KNL1: variants seen among roughly 807,000 people sequenced by gnomAD.
KNL1 encodes the protein kinetochore scaffold 1, also known as outer kinetochore KNL1 complex subunit KNL1.
In KNL1, 66 loss-of-function variants were observed where a neutral mutation model predicts 201.3. That is an observed-to-expected ratio of 0.33 (90% CI 0.27 to 0.40). The LOEUF (loss-of-function observed/expected upper bound fraction) is 0.40. KNL1 is among the 10% of genes least tolerant of loss of function. The pLI is 1.00. For synonymous variants in KNL1, 895 were observed against 899.2 expected (o/e 1.00, Z 0.08); for missense variants, 2,815 against 2,690.5 (o/e 1.05, Z -1.02).
intron 4 of KNL1, among the ~76,000 whole-genome samples, chr15:40,607,062 T>TA (rs1892000146): frequency 6.6e-6 from 1 of 152,316 alleles, no homozygotes. Context: ...ACCCAGCCCT[T>TA]AAAAAATTTT....
At chr15:40,617,358 CAA>C (rs10607154) in intron 8 of KNL1, among the ~76,000 whole-genome samples, 4,226 of 152,266 alleles carry the variant, frequency 0.028, 208 homozygotes, top group African/African-American at 0.097. Flanking sequence ...CAGTGCTATC[CAA>C]AGTGTCCAGT....
intron 14 of KNL1, among the ~76,000 whole-genome samples, chr15:40,644,649 A>G (rs1205794609): frequency 2.0e-5 from 3 of 152,374 alleles, no homozygotes; most frequent in East Asian, 1.9e-4. Context: ...GGCTTTCCGC[A>G]GTGCATTGTG....
At position 40,610,809 on chromosome 15, in the gene KNL1, A is replaced by C. The variant is rs1255319069; in HGVS notation, c.250+512A>C. 6.6e-6 allele frequency: 3 copies of C among 455,516 alleles called. No homozygotes were observed. The East Asian group carries it at 2.1e-4, about 32-fold the overall frequency. 28.2% of individuals were successfully genotyped at this position (455,516 alleles called of 1,614,324 possible). A position where few individuals can be genotyped will look rare whatever the true frequency, so the allele number is the denominator to read the frequency against. ...ACTGTTGTTCCCCAGGCTGCAGTGC[A>C]ATGGTGCCATCTCAGCTGCAACTTC... On this transcript the variant is annotated intron_variant, in intron 6 of 25. Transcript: ENST00000399668.
chr15:40,623,918 T>A lies in KNL1; in HGVS notation c.3654T>A (p.Ala1218=). ...AAATCGCTGAAAAACAAGCACTGGC[T>A]GTAGGAAACAAAATAGTTCTTCACA... ...VQEIAEKQAL[A]VGNKIVLHTE... is the part of the protein sequence containing the mutation. Residue 1218 remains alanine (A), a synonymous_variant, in exon 10 of 26, where the codon GCT becomes GCA. Transcript: ENST00000399668. 1 of 1,613,400 alleles carries A rather than the reference T, an allele frequency of 6.2e-7. No individual in the cohort carries two copies. Among genetic ancestry groups the A allele is most frequent in the Non-Finnish European group, 8.5e-7 (1 of 1,179,928 alleles).
intron 19 of KNL1, 55 bp downstream of exon 19, chr15:40,650,638 A>G (rs1893528587): frequency 6.9e-7 from 1 of 1,452,574 alleles, no homozygotes; most frequent in African/African-American, 1.5e-5. Flanking sequence ...AGAAGGCTAG[A>G]TGACTTCCTG....
At chr15:40,636,840 A>G (rs1893069036) in intron 13 of KNL1, among the ~76,000 whole-genome samples, 2 of 151,428 alleles carry the variant, frequency 1.3e-5, no homozygotes, top group African/African-American at 4.9e-5. Flanking sequence ...AAAATTATCA[A>G]CTCTTGTTTT....
At position 40,622,093 on chromosome 15, in the gene KNL1, A is replaced by G. The variant is rs376605587; in HGVS notation, c.1829A>G (p.Asp610Gly). 1.2e-6 allele frequency: 2 copies of G among 1,614,142 alleles called. No homozygotes were observed. Among genetic ancestry groups the G allele is most frequent in the Non-Finnish European group, 1.7e-6 (2 of 1,179,990 alleles). ...CACTCTCAGAGCAAAAGCTCTTCAG[A>G]TGAATGTGAAGAAATTACCAAAAGT... Reference protein sequence around the residue: ...ESHSQSKSSSDECEEITKSRN... With the variant: ...ESHSQSKSSSGECEEITKSRN... The change falls in exon 10 of 26, where the codon GAT becomes GGT. Residue 610 changes from aspartate to glycine, a missense_variant. Around this residue, in one of 3 missense-constraint regions of KNL1, gnomAD observed 2,464 missense variants for 2,291.7 expected, o/e 1.08. Coordinates refer to ENST00000399668, the MANE Select transcript of KNL1 (RefSeq NM_144508.5).
intron 7 of KNL1, among the ~76,000 whole-genome samples, chr15:40,613,277 G>C (rs751045291): frequency 6.6e-6 from 1 of 152,058 alleles, no homozygotes. Flanking sequence ...GTATCTTCTC[G>C]TGTGTGTACA....
chr15:40,627,709 C>A (rs1222938817), intron 10 of KNL1, among the ~76,000 whole-genome samples: 1 of 152,140 alleles, frequency 6.6e-6, no homozygotes, highest in Non-Finnish European at 1.5e-5. Context: ...GCCAGGGCCA[C>A]CACATACAGC....
At chr15:40,620,208 C>T (rs1473794923) in intron 9 of KNL1, among the ~76,000 whole-genome samples, 1 of 130,984 alleles carries the variant, frequency 7.6e-6, no homozygotes, top group Non-Finnish European at 1.6e-5. Context: ...TGTGCCTAGC[C>T]TAGAATAATT....
chr15:40,623,025 A>G lies in KNL1; in HGVS notation c.2761A>G (p.Thr921Ala), dbSNP rs1892598602. The change falls in exon 10 of 26, where the codon ACA becomes GCA. Residue 921 changes from threonine to alanine, a missense_variant. Physicochemically the swap from Thr to Ala is moderately conservative, Grantham distance 58. Transcript: ENST00000399668. ...QDDMEITRSH[T>A]TALECKTVSP... is the part of the protein sequence containing the mutation. ...TGACATGGAGATCACTAGAAGTCAC[A>G]CAACTGCCTTAGAATGTAAAACTGT... is the stretch of plus-strand genomic sequence containing the variant. The G allele has an allele frequency of 6.2e-7, 1 of 1,614,022 alleles. No homozygotes were observed. The highest frequency in any genetic ancestry group is 8.5e-7 in the Non-Finnish European group (1 of 1,179,884).
chr15:40,650,158 GA>G (rs1893510701), intron 17 of KNL1, 142 bp from the exon 18 acceptor site: 1 of 548,986 alleles, frequency 1.8e-6, no homozygotes, highest in Non-Finnish European at 3.2e-6. Context: ...CATCAGACTA[GA>G]ACTTCTGAAC....
rs578096029 is a variant in KNL1 at position 40,603,614 on chromosome 15, A to T, written c.35+648A>T. ...GCCCCCCCATCTCTACAAAAAATAA[A>T]TTTTTTTAAATGGAGGGCTCTTGGC... On this transcript the variant is annotated intron_variant, in intron 2 of 25. Transcript: ENST00000399668. Among the ~76,000 whole-genome samples, 42 of 152,256 alleles carry T rather than the reference A, an allele frequency of 2.8e-4. 1 individual carries two copies. The highest frequency in any genetic ancestry group is 9.6e-4 in the African/African-American group (40 of 41,558).
At position 40,602,959 on chromosome 15, in the gene KNL1, G is replaced by T; in HGVS notation, c.28G>T (p.Glu10Ter). The T allele has an allele frequency of 1.3e-6, 2 of 1,592,614 alleles. No homozygotes were observed. Among genetic ancestry groups the T allele is most frequent in the South Asian group, 2.2e-5 (2 of 89,036 alleles). The change falls in exon 2 of 26, where the codon GAA (glutamate) becomes TAA (stop). Residue 10 changes from glutamate (E) to a stop codon, truncating the protein, a stop_gained. Transcript: ENST00000399668. LOFTEE classifies it high-confidence loss of function. MDGVSSEAN[E>*]ENDNIERPVR... is the part of the protein sequence containing the mutation. ...GGATGGGGTGTCTTCAGAGGCTAAT[G>T]AAGAAAAGTAAGTTCATTTAATGCA...
chr15:40,648,832 T>A (rs1263468177), intron 17 of KNL1, among the ~76,000 whole-genome samples: 1 of 146,630 alleles, frequency 6.8e-6, no homozygotes, highest in East Asian at 1.9e-4. Flanking sequence ...TAACTTTCTT[T>A]TTTTTTTTTT....
At chr15:40,606,319 G>T in intron 3 of KNL1, 74 bp from the exon 4 acceptor site, 1 of 879,740 alleles carries the variant, frequency 1.1e-6, no homozygotes, top group Admixed American at 2.0e-5. Flanking sequence ...TTCTACCTAT[G>T]ATATAACTTG....
intron 10 of KNL1, among the ~76,000 whole-genome samples, chr15:40,626,458 A>G (rs1892756315): frequency 6.6e-6 from 1 of 151,750 alleles, no homozygotes. Context: ...GGAGTGAGCC[A>G]CCACGTCCAG....
intron 23 of KNL1, 42 bp downstream of exon 23, chr15:40,657,193 C>A: frequency 7.7e-7 from 1 of 1,304,044 alleles, no homozygotes; most frequent in Non-Finnish European, 1.1e-6. Flanking sequence ...TTTGTGATAT[C>A]TTTCCAAAAA....
At chr15:40,602,069 G>C (rs1467623885) in intron 1 of KNL1, among the ~76,000 whole-genome samples, 1 of 148,850 alleles carries the variant, frequency 6.7e-6, no homozygotes, top group Non-Finnish European at 1.5e-5. Flanking sequence ...TTGCTCTTTC[G>C]CCCAGGCCGG....
Sources: allele counts gnomAD v4.1 joint callset (sites outside exome capture counted in the v4.1 genomes callset), GRCh38; gene constraint gnomAD v4.1.1; regional missense constraint gnomAD v4.1.1; transcripts MANE v1.5; gene names NCBI Gene and HGNC (gene_info 2026-07-23, HGNC 2026-07-21).